PPP1R13B: variants seen among roughly 807,000 people sequenced by gnomAD.
The protein encoded by PPP1R13B is apoptosis-stimulating of p53 protein 1.
PPP1R13B carries 44 observed loss-of-function variants against 119.8 expected under a neutral mutation model. That is an observed-to-expected ratio of 0.37 (90% confidence interval 0.29 to 0.47). PPP1R13B has a LOEUF of 0.47. Ranked by LOEUF, PPP1R13B falls within the 20% of genes least tolerant of loss-of-function variation. The pLI is 0.99. For synonymous variants in PPP1R13B, 542 were observed against 561.5 expected, an observed-to-expected ratio of 0.97 and a Z score of 0.49; for missense variants, 1,227 against 1,413.5, an observed-to-expected ratio of 0.87 and a Z score of 2.12.
intron 4 of PPP1R13B, chr14:103,778,537 T>C (rs1479338497): frequency 1.9e-6 from 1 of 522,392 alleles, no homozygotes; most frequent in African/African-American, 1.9e-5. Context: ...TAGGATTACA[T>C]GTGTGAGCCA....
chr14:103,803,659 A>T lies in PPP1R13B; in HGVS notation c.10-6141T>A, dbSNP rs144966643. Among the ~76,000 whole-genome samples the T allele has an allele frequency of 7.9e-3, 1,202 of 152,024 alleles. 10 individuals carry two copies. The highest frequency in any genetic ancestry group is 0.017 in the African/African-American group (705 of 41,380). On this transcript the variant is annotated intron_variant, in intron 1 of 16. Coordinates refer to ENST00000202556, the MANE Select transcript of PPP1R13B (RefSeq NM_015316.3). ...CTCCGTCTCAAAAATAAATAAATAA[A>T]TAAATAATTAATTAATAAACAAATA...
intron 1 of PPP1R13B, among the ~76,000 whole-genome samples, chr14:103,807,535 C>G (rs138099064): frequency 0.011 from 1,685 of 152,266 alleles, 11 homozygotes; most frequent in Middle Eastern, 0.024. Flanking sequence ...CACGCTGTTG[C>G]CCAGGCTGGA....
intron 1 of PPP1R13B, among the ~76,000 whole-genome samples, chr14:103,845,996 C>G (rs1207620542): frequency 6.6e-6 from 1 of 152,178 alleles, no homozygotes; most frequent in Admixed American, 6.6e-5. Flanking sequence ...ATTTTTATCC[C>G]TACTTTAGAG....
At chr14:103,841,406 G>A (rs1379008924) in intron 1 of PPP1R13B, among the ~76,000 whole-genome samples, 2 of 151,526 alleles carry the variant, frequency 1.3e-5, no homozygotes, top group Admixed American at 6.6e-5. Flanking sequence ...TGGCCAACGC[G>A]GTGAAACTCC....
chr14:103,737,509 G>A (rs1039189113), intron 15 of PPP1R13B, 185 bp downstream of exon 15: 29 of 688,342 alleles, frequency 4.2e-5, no homozygotes, highest in Non-Finnish European at 5.2e-5. Flanking sequence ...CCGGGAGGTC[G>A]AGGCTGCAGT....
At chr14:103,764,580 G>C in intron 4 of PPP1R13B, 1 of 186,656 alleles carries the variant, frequency 5.4e-6, no homozygotes, top group Non-Finnish European at 1.2e-5. Context: ...ACCCTGTTAA[G>C]TTGATATGAA....
rs200020716 is a variant in PPP1R13B at position 103,782,020 on chromosome 14, CA to C, written c.277+2774del. ...TCCTTATTTTCTTTAAATTTTAATTCAAAAATATATAGTATATTCCCATGGT... is the reference window on the plus strand; with the variant it reads ...TCCTTATTTTCTTTAAATTTTAATTCAAAATATATAGTATATTCCCATGGT... On this transcript the variant is annotated intron_variant, in intron 3 of 16. Transcript: ENST00000202556. Among the ~76,000 whole-genome samples, 858 of 152,080 alleles carry C rather than the reference CA, an allele frequency of 5.6e-3. 7 individuals carry two copies. Among genetic ancestry groups the C allele is most frequent in the African/African-American group, 0.02 (812 of 41,448 alleles).
intron 1 of PPP1R13B, among the ~76,000 whole-genome samples, chr14:103,830,839 C>A (rs2086649679): frequency 6.6e-6 from 1 of 151,624 alleles, no homozygotes; most frequent in South Asian, 2.1e-4. Flanking sequence ...TGAGTTGTGT[C>A]ATATACGTAA....
At chr14:103,772,390 T>C (rs1793092091) in intron 4 of PPP1R13B, among the ~76,000 whole-genome samples, 1 of 152,242 alleles carries the variant, frequency 6.6e-6, no homozygotes. Context: ...ACAGTAGATT[T>C]ATGTTTAAGT....
chr14:103,769,420 T>G lies in PPP1R13B; in HGVS notation c.354+9325A>C, dbSNP rs1639304870. On this transcript the variant is annotated intron_variant, in intron 4 of 16. Transcript: ENST00000202556. ...CTGATGTATTTTAAAATTTTTTTTT[T>G]GTAGAGACAGTGTCTCACTATGTTA... Among the ~76,000 whole-genome samples, 6 of 152,192 alleles carry G rather than the reference T, an allele frequency of 3.9e-5. No homozygotes were observed. The South Asian group carries it at 6.2e-4, about 16-fold the overall frequency.
At chr14:103,803,372 G>A (rs1290415671) in intron 1 of PPP1R13B, among the ~76,000 whole-genome samples, 2 of 152,246 alleles carry the variant, frequency 1.3e-5, no homozygotes, top group South Asian at 2.1e-4. Flanking sequence ...GGCCGGGTGC[G>A]GTGGCTCACA....
intron 1 of PPP1R13B, among the ~76,000 whole-genome samples, chr14:103,825,404 G>C (rs2086515029): frequency 6.6e-6 from 1 of 152,180 alleles, no homozygotes; most frequent in South Asian, 2.1e-4. Context: ...CAAAAGCTGA[G>C]ATAGGCTGAA....
Position 103,791,464 on chromosome 14 carries a change from C to T in PPP1R13B, c.157+5907G>A, listed in dbSNP as rs183014301. Among the ~76,000 whole-genome samples, 133 of 152,328 alleles carry T rather than the reference C, an allele frequency of 8.7e-4. 1 individual carries two copies. Among genetic ancestry groups the T allele is most frequent in the South Asian group, 2.9e-3 (14 of 4,828 alleles). Reference sequence around the variant, plus strand: ...AATTTCAGCCGGGAGCAGTGGCTCACGCCTATAATCCCAGCACTTTGGGAG... The same window carrying T: ...AATTTCAGCCGGGAGCAGTGGCTCATGCCTATAATCCCAGCACTTTGGGAG... On this transcript the variant is annotated intron_variant, in intron 2 of 16. Transcript: ENST00000202556.
intron 1 of PPP1R13B, among the ~76,000 whole-genome samples, chr14:103,803,683 T>C (rs966485619): frequency 6.6e-6 from 1 of 152,056 alleles, no homozygotes; most frequent in Non-Finnish European, 1.5e-5. Context: ...AATAAACAAA[T>C]AAATAAAAGA....
chr14:103,740,977 C>T lies in PPP1R13B; in HGVS notation c.1823-384G>A, dbSNP rs907891268. On this transcript the variant is annotated intron_variant, in intron 11 of 16. Coordinates refer to ENST00000202556, the MANE Select transcript of PPP1R13B (RefSeq NM_015316.3). This position sits in a 1 kb window ranked among gnomAD's most constrained non-coding sequence, Gnocchi z 4.6. ...GACTAACTCACATGACGGAGACACA[C>T]GCGCCTCCTCAGAGCAGGAAGGTTT... Among the ~76,000 whole-genome samples, 6 of 152,240 alleles carry T rather than the reference C, an allele frequency of 3.9e-5. No homozygotes were observed. Among genetic ancestry groups the T allele is most frequent in the African/African-American group, 7.2e-5 (3 of 41,456 alleles).
intron 2 of PPP1R13B, 131 bp downstream of exon 2, chr14:103,797,240 T>G: frequency 1.2e-6 from 1 of 830,522 alleles, no homozygotes; most frequent in Non-Finnish European, 1.8e-6. Context: ...TGATAAATAC[T>G]AAATTATATG....
rs548036553 is a variant in PPP1R13B, at chr14:103,780,574, G to C, written c.278-1753C>G. 1.5e-4 allele frequency among the ~76,000 whole-genome samples: 23 copies of C among 151,356 alleles called. No homozygotes were observed. In the Middle Eastern group the frequency reaches 0.014, roughly 90 times the overall value. Reference sequence around the variant, plus strand: ...TCATGCCTGTAATCCCAGCACTTTGGGAGGCCAAGGCGGGCAGATCATGAG... The same window carrying C: ...TCATGCCTGTAATCCCAGCACTTTGCGAGGCCAAGGCGGGCAGATCATGAG... On this transcript the variant is annotated intron_variant, in intron 3 of 16. Transcript: ENST00000202556.
chr14:103,815,740 A>G (rs933030222), intron 1 of PPP1R13B, among the ~76,000 whole-genome samples: 1 of 146,938 alleles, frequency 6.8e-6, no homozygotes, highest in African/African-American at 2.5e-5. Context: ...GGGCAACAAG[A>G]GTGAAACTCC....
At chr14:103,747,429 A>T (rs1415172796) in intron 8 of PPP1R13B, 2 of 152,198 alleles carry the variant, frequency 1.3e-5, no homozygotes, top group Non-Finnish European at 2.9e-5. Context: ...ATAACTTTAC[A>T]CATCACCTTG....
Sources: gnomAD v4.1 joint callset for allele counts (sites outside exome capture counted in the v4.1 genomes callset) on GRCh38, gnomAD v4.1.1 for gene constraint, Gnocchi (gnomAD v3.1) non-coding constraint, MANE v1.5 for transcripts, NCBI Gene and HGNC (gene_info 2026-07-23, HGNC 2026-07-21) for gene names.